The following CTNND2 variants were observed in gnomAD, a reference collection of about 807,000 sequenced individuals.
The protein encoded by CTNND2 is catenin delta 2.
In CTNND2, 22 loss-of-function variants were observed where a neutral mutation model predicts 144.4. That is an observed-to-expected ratio of 0.15 (90% CI 0.11 to 0.22). The LOEUF (loss-of-function observed/expected upper bound fraction) is 0.22, where lower values mean the gene tolerates loss of function less well. CTNND2 is among the 10% of genes least tolerant of loss of function. The probability of loss-of-function intolerance (pLI) is 1.00; values close to 1 mark genes in which losing one functional copy is unlikely to be tolerated. For missense variants in CTNND2, 1,353 were observed against 1,618.8 expected, an observed-to-expected ratio of 0.84 and a Z score of 2.82; for synonymous variants, 751 against 695.6, an observed-to-expected ratio of 1.08 and a Z score of -1.25.
At chr5:11,088,941 G>C (rs190503689) in intron 15 of CTNND2, among the ~76,000 whole-genome samples, 1 of 152,310 alleles carries the variant, frequency 6.6e-6, no homozygotes, top group Admixed American at 6.5e-5. Flanking sequence ...GTGTACTAGA[G>C]GCTAGGAGCT....
At chr5:11,497,517 G>C (rs920429145) in intron 3 of CTNND2, among the ~76,000 whole-genome samples, 1 of 58,762 alleles carries the variant, frequency 1.7e-5, no homozygotes, top group Non-Finnish European at 3.6e-5. Context: ...TGTGCGGGGG[G>C]GTGGGGGGGG....
At chr5:11,414,556 C>T (rs777806639) in intron 3 of CTNND2, among the ~76,000 whole-genome samples, 7 of 152,094 alleles carry the variant, frequency 4.6e-5, no homozygotes, top group Non-Finnish European at 8.8e-5. Flanking sequence ...CCTAAGGATC[C>T]CAGCAGGGAT....
intron 3 of CTNND2, among the ~76,000 whole-genome samples, chr5:11,508,011 TA>T (rs1561491038): frequency 6.6e-6 from 1 of 151,728 alleles, no homozygotes; most frequent in African/African-American, 2.4e-5. Flanking sequence ...TGGTCGGCAT[TA>T]GCTGCAGAGA....
intron 1 of CTNND2, among the ~76,000 whole-genome samples, chr5:11,893,863 C>G (rs1737185205): frequency 6.6e-6 from 1 of 152,146 alleles, no homozygotes; most frequent in African/African-American, 2.4e-5. Context: ...TTTATAAGAT[C>G]ATATCTGAAA....
chr5:11,860,293 T>C (rs1329066265), intron 1 of CTNND2, among the ~76,000 whole-genome samples: 1 of 152,224 alleles, frequency 6.6e-6, no homozygotes, highest in Admixed American at 6.5e-5. Flanking sequence ...GACAATTCTG[T>C]AATCACATTT....
At chr5:11,195,592 T>C (rs775195976) in intron 11 of CTNND2, among the ~76,000 whole-genome samples, 5 of 152,224 alleles carry the variant, frequency 3.3e-5, no homozygotes, top group Admixed American at 1.3e-4. Flanking sequence ...CATCTGGATA[T>C]GCGAAGCATC....
Position 11,903,986 on chromosome 5 carries a change from A to G in CTNND2, c.-133T>C, listed in dbSNP as rs566394837. 1.8e-6 allele frequency: 2 copies of G among 1,085,208 alleles called. No individual in the cohort carries two copies. Among genetic ancestry groups the G allele is most frequent in the Non-Finnish European group, 2.4e-6 (2 of 850,970 alleles). 67.2% of individuals were successfully genotyped at this position (1,085,208 alleles called of 1,614,324 possible). A position where few individuals can be genotyped will look rare whatever the true frequency, so the allele number is the denominator to read the frequency against. ...TGTTGTCTGAGCGCGGCCGCGGGAC[A>G]AGGGATGCTGGCGGGCGGCAGGGGC... On this transcript the variant is annotated 5_prime_UTR_variant, in exon 1 of 22. Transcript: ENST00000304623. This position sits in a 1 kb window ranked among gnomAD's most constrained non-coding sequence, Gnocchi z 5.4.
intron 2 of CTNND2, among the ~76,000 whole-genome samples, chr5:11,645,611 G>A (rs529160888): frequency 2.6e-5 from 4 of 152,134 alleles, no homozygotes; most frequent in South Asian, 4.2e-4. Context: ...TTCAACAACT[G>A]AGAACCACTG....
chr5:11,844,999 C>T (rs1794666801), intron 1 of CTNND2, among the ~76,000 whole-genome samples: 1 of 152,082 alleles, frequency 6.6e-6, no homozygotes, highest in Non-Finnish European at 1.5e-5. Context: ...TAGCGTGTGA[C>T]TCTAACTGGA....
At chr5:11,690,881 T>C (rs1195175833) in intron 2 of CTNND2, among the ~76,000 whole-genome samples, 3 of 151,532 alleles carry the variant, frequency 2.0e-5, no homozygotes, top group South Asian at 2.1e-4. Flanking sequence ...AATATGAAAT[T>C]AATAACTCCA....
chr5:11,385,872 A>AG (rs1348720991), intron 6 of CTNND2: 1 of 151,802 alleles, frequency 6.6e-6, no homozygotes, highest in African/African-American at 2.4e-5. Flanking sequence ...GCATTAAAAA[A>AG]AAATCTAGAG....
intron 1 of CTNND2, among the ~76,000 whole-genome samples, chr5:11,878,361 TTGTCTC>T (rs1735714321): frequency 1.3e-5 from 2 of 152,170 alleles, no homozygotes; most frequent in Admixed American, 1.3e-4. Context: ...GTTTGCTGGC[TTGTCTC>T]TGGGATGAGC....
At chr5:11,434,289 GAAACAAAACA>G (rs929048526) in intron 3 of CTNND2, among the ~76,000 whole-genome samples, 10 of 152,246 alleles carry the variant, frequency 6.6e-5, no homozygotes, top group Admixed American at 6.5e-4. Context: ...TCCATGGTAG[GAAACAAAACA>G]AAACAAAACA....
At chr5:11,794,169 A>G (rs1046870080) in intron 1 of CTNND2, among the ~76,000 whole-genome samples, 1 of 152,240 alleles carries the variant, frequency 6.6e-6, no homozygotes, top group African/African-American at 2.4e-5. Context: ...AGCTTCCAAC[A>G]TTAATTCTCT....
At chr5:11,194,168 T>C (rs1214501770) in intron 11 of CTNND2, among the ~76,000 whole-genome samples, 1 of 152,022 alleles carries the variant, frequency 6.6e-6, no homozygotes, top group Non-Finnish European at 1.5e-5. Context: ...TAGCCCAGGA[T>C]ACACACAGAG....
chr5:11,589,431 CA>C (rs774776015), intron 2 of CTNND2, among the ~76,000 whole-genome samples: 52 of 152,228 alleles, frequency 3.4e-4, no homozygotes, highest in Middle Eastern at 3.4e-3. Flanking sequence ...AGTTCATATT[CA>C]AAGCCAGTCC....
chr5:11,092,360 A>G, intron 15 of CTNND2, among the ~76,000 whole-genome samples: 1 of 152,234 alleles, frequency 6.6e-6, no homozygotes, highest in East Asian at 1.9e-4. Flanking sequence ...TAGAAATCAG[A>G]TCATCCAATG....
intron 11 of CTNND2, among the ~76,000 whole-genome samples, chr5:11,190,341 T>C (rs1736116044): frequency 1.3e-5 from 2 of 152,186 alleles, no homozygotes; most frequent in African/African-American, 2.4e-5. Context: ...TTCTTCCACT[T>C]TGGGATGAAA....
intron 5 of CTNND2, among the ~76,000 whole-genome samples, chr5:11,404,225 C>G (rs1760881481): frequency 6.6e-6 from 1 of 152,092 alleles, no homozygotes; most frequent in Non-Finnish European, 1.5e-5. Context: ...TTATGAAAAC[C>G]TTTTGGCTTT....
Sources: allele counts gnomAD v4.1 joint callset (sites outside exome capture counted in the v4.1 genomes callset), GRCh38; gene constraint gnomAD v4.1.1; non-coding constraint Gnocchi (gnomAD v3.1); transcripts MANE v1.5; gene names NCBI Gene and HGNC (gene_info 2026-07-23, HGNC 2026-07-21).